OPCML: variants seen among roughly 807,000 people sequenced by gnomAD.
OPCML encodes the protein opioid binding protein/cell adhesion molecule like.
A neutral mutation model predicts 37.8 loss-of-function variants in OPCML; 13 were observed. The observed-to-expected ratio is 0.34, with a 90% confidence interval of 0.22 to 0.55. The LOEUF (loss-of-function observed/expected upper bound fraction) is 0.55. Among genes scored for constraint, OPCML ranks in the 20% least tolerant of loss-of-function variants. The pLI is 0.91. For missense variants in OPCML, 341 were observed against 435.6 expected (o/e 0.78, Z 1.93); for synonymous variants, 176 against 168.8 (o/e 1.04, Z -0.33).
At chr11:132,587,701 T>C (rs1404538347) in intron 3 of OPCML, among the ~76,000 whole-genome samples, 1 of 152,206 alleles carries the variant, frequency 6.6e-6, no homozygotes, top group East Asian at 1.9e-4. Flanking sequence ...GCCATGAGAA[T>C]TCCATGATTC....
At chr11:133,280,746 A>G (rs1400544166) in intron 1 of OPCML, among the ~76,000 whole-genome samples, 1 of 152,230 alleles carries the variant, frequency 6.6e-6, no homozygotes, top group Admixed American at 6.5e-5. Flanking sequence ...CATAAAAACA[A>G]TGAGGCCTCT....
intron 1 of OPCML, among the ~76,000 whole-genome samples, chr11:133,388,033 G>C (rs1002452471): frequency 1.3e-5 from 2 of 152,130 alleles, no homozygotes; most frequent in African/African-American, 4.8e-5. Flanking sequence ...AGATCGTATG[G>C]GGCCCTTGAG....
At chr11:132,482,281 A>G (rs1487372586) in intron 4 of OPCML, among the ~76,000 whole-genome samples, 1 of 152,138 alleles carries the variant, frequency 6.6e-6, no homozygotes, top group African/African-American at 2.4e-5. Flanking sequence ...ATCAGAGAAT[A>G]CTACAAACAC....
chr11:132,994,741 G>T (rs1386747767), intron 1 of OPCML, among the ~76,000 whole-genome samples: 5 of 152,166 alleles, frequency 3.3e-5, no homozygotes, highest in Non-Finnish European at 7.3e-5. Context: ...CATTATACCA[G>T]CTAAATGGAA....
At chr11:133,204,907 T>TATATATATATAC (rs1555114261) in intron 1 of OPCML, among the ~76,000 whole-genome samples, 1 of 133,506 alleles carries the variant, frequency 7.5e-6, no homozygotes, top group African/African-American at 2.9e-5. Context: ...TATATATATA[T>TATATATATATAC]ATACATACAC....
rs531085391 is a variant in OPCML at position 133,113,129 on chromosome 11, T to C, written c.62-170119A>G. On this transcript the variant is annotated intron_variant, in intron 1 of 7. Transcript: ENST00000524381. ...ACAGTGCTGGGTCTGTTCCTACTTA[T>C]CATGCAAAAAAGCCATCCTTTATAT... Among the ~76,000 whole-genome samples, 3 of 152,322 alleles carry C rather than the reference T, an allele frequency of 2.0e-5. No homozygotes were observed. In the South Asian group the frequency reaches 6.2e-4, roughly 32 times the overall value.
chr11:132,550,460 G>A (rs943851056), intron 3 of OPCML, among the ~76,000 whole-genome samples: 2 of 152,122 alleles, frequency 1.3e-5, no homozygotes, highest in African/African-American at 4.8e-5. Flanking sequence ...CACGTGAAGT[G>A]CTCGGGCTTT....
At chr11:132,995,093 T>C (rs1298534265) in intron 1 of OPCML, among the ~76,000 whole-genome samples, 1 of 152,164 alleles carries the variant, frequency 6.6e-6, no homozygotes, top group Non-Finnish European at 1.5e-5. Context: ...ACCAAATACG[T>C]ACATCTGCAA....
At chr11:132,788,437 T>A (rs1243211529) in intron 2 of OPCML, among the ~76,000 whole-genome samples, 1 of 152,210 alleles carries the variant, frequency 6.6e-6, no homozygotes, top group Non-Finnish European at 1.5e-5. Context: ...CTGCTCCTTA[T>A]ATCTAAGGAT....
At chr11:133,008,029 CTGTCTCAT>C in intron 1 of OPCML, 4 of 985,446 alleles carry the variant, frequency 4.1e-6, no homozygotes, top group Non-Finnish European at 4.8e-6. Context: ...GTCAAGAGAG[CTGTCTCAT>C]TGTTGAGATC....
intron 3 of OPCML, among the ~76,000 whole-genome samples, chr11:132,614,299 C>T (rs1265742488): frequency 1.3e-5 from 2 of 152,120 alleles, no homozygotes; most frequent in Non-Finnish European, 1.5e-5. Context: ...CTGAATTTCA[C>T]CTCCTTGATG....
intron 1 of OPCML, among the ~76,000 whole-genome samples, chr11:133,364,652 A>G (rs1159243579): frequency 1.3e-5 from 2 of 152,218 alleles, no homozygotes; most frequent in Non-Finnish European, 2.9e-5. Context: ...TTAAGCATCA[A>G]ATGGAAGTTT....
rs888886981 is a variant in OPCML at position 132,495,752 on chromosome 11, G to C, written c.505+33309C>G. On this transcript the variant is annotated intron_variant, in intron 4 of 7. Coordinates refer to ENST00000524381, the MANE Select transcript of OPCML (RefSeq NM_001012393.5). ...TAAAAATACAAAAACAAAATTAGCT[G>C]GGTGTAGTGGCGGGCGCCTGTGGTC... 9.2e-5 allele frequency among the ~76,000 whole-genome samples: 14 copies of C among 152,148 alleles called. 1 individual carries two copies. In the South Asian group the frequency reaches 1.0e-3, roughly 11 times the overall value.
intron 2 of OPCML, among the ~76,000 whole-genome samples, chr11:132,905,250 T>TTG (rs1944199446): frequency 1.4e-5 from 2 of 147,248 alleles, no homozygotes; most frequent in African/African-American, 5.0e-5. Context: ...TTTTTTTTTT[T>TTG]GACAGAGTTT....
chr11:133,393,727 A>T (rs963897116), intron 1 of OPCML, among the ~76,000 whole-genome samples: 1 of 152,166 alleles, frequency 6.6e-6, no homozygotes, highest in Non-Finnish European at 1.5e-5. Context: ...AATTTCCTTC[A>T]TCATCTTCAG....
chr11:132,997,858 C>A (rs1199114170), intron 1 of OPCML, among the ~76,000 whole-genome samples: 1 of 152,160 alleles, frequency 6.6e-6, no homozygotes, highest in Non-Finnish European at 1.5e-5. Flanking sequence ...TTCCGGGGTT[C>A]TCCTGGACAC....
At chr11:133,426,665 G>A (rs1946009554) in intron 1 of OPCML, among the ~76,000 whole-genome samples, 1 of 152,172 alleles carries the variant, frequency 6.6e-6, no homozygotes, top group African/African-American at 2.4e-5. Flanking sequence ...CTTAGCAAAG[G>A]CTGTCATCAG....
chr11:132,854,269 A>G (rs1168631011), intron 2 of OPCML, among the ~76,000 whole-genome samples: 1 of 152,214 alleles, frequency 6.6e-6, no homozygotes, highest in Non-Finnish European at 1.5e-5. Flanking sequence ...TTCTGGCCCC[A>G]TGGAGTTGGG....
chr11:132,714,519 A>G (rs1283026613), intron 2 of OPCML, among the ~76,000 whole-genome samples: 1 of 152,344 alleles, frequency 6.6e-6, no homozygotes, highest in East Asian at 1.9e-4. Flanking sequence ...GAGCTATGGC[A>G]GAGCACGCAA....
Sources: gnomAD v4.1 joint callset for allele counts (sites outside exome capture counted in the v4.1 genomes callset) on GRCh38, gnomAD v4.1.1 for gene constraint, MANE v1.5 for transcripts, NCBI Gene and HGNC (gene_info 2026-07-23, HGNC 2026-07-21) for gene names.